FAF1: variants seen among roughly 807,000 people sequenced by gnomAD.
The protein encoded by FAF1 is Fas associated factor 1.
A neutral mutation model predicts 92.5 loss-of-function variants in FAF1; 25 were observed. The ratio of observed to expected loss-of-function variants is 0.27; its 90% CI spans 0.20 to 0.38. The LOEUF (loss-of-function observed/expected upper bound fraction) is 0.38, where lower values mean the gene tolerates loss of function less well. Ranked by LOEUF, FAF1 falls within the 10% of genes least tolerant of loss-of-function variation. FAF1 has a pLI of 1.00. For synonymous variants in FAF1, 234 were observed against 273.2 expected (o/e 0.86, Z 1.42); for missense variants, 636 against 793.3 (o/e 0.80, Z 2.38).
At chr1:50,766,338 T>G (rs1399604599) in intron 4 of FAF1, among the ~76,000 whole-genome samples, 5 of 152,238 alleles carry the variant, frequency 3.3e-5, no homozygotes, top group Non-Finnish European at 5.9e-5. Context: ...TAGAATACTT[T>G]TTGTTTATAA....
chr1:50,660,232 T>C (rs1363142499), intron 7 of FAF1, among the ~76,000 whole-genome samples: 1 of 152,236 alleles, frequency 6.6e-6, no homozygotes, highest in Admixed American at 6.5e-5. Context: ...AAAGTTGCTC[T>C]GCTAAAGGCT....
chr1:50,743,730 G>C (rs569944745), intron 5 of FAF1, among the ~76,000 whole-genome samples: 1 of 152,124 alleles, frequency 6.6e-6, no homozygotes, highest in South Asian at 2.1e-4. Context: ...TAAAACTCTA[G>C]AACTAACTCA....
intron 2 of FAF1, among the ~76,000 whole-genome samples, chr1:50,849,256 G>C (rs1487591064): frequency 6.8e-6 from 1 of 147,242 alleles, no homozygotes; most frequent in Non-Finnish European, 1.5e-5. Context: ...GACAGAGTGA[G>C]ACTCCGTCTC....
chr1:50,851,011 A>G (rs567233817), intron 2 of FAF1, among the ~76,000 whole-genome samples: 2 of 152,288 alleles, frequency 1.3e-5, no homozygotes, highest in South Asian at 4.2e-4. Flanking sequence ...GTAGGTTAGT[A>G]AGCTTTAAAA....
chr1:50,678,429 T>C (rs905581229), intron 7 of FAF1, among the ~76,000 whole-genome samples: 3 of 152,162 alleles, frequency 2.0e-5, no homozygotes, highest in African/African-American at 7.2e-5. Flanking sequence ...AATTTACACA[T>C]TTGGCCAGAT....
At position 50,705,877 on chromosome 1, in the gene FAF1, G is replaced by C; in HGVS notation, c.566C>G (p.Ser189Ter). The stretch of plus-strand genomic sequence containing the variant: ...GATCAGCATGAAGTTTTGATTTAAT[G>C]ACTCCTGCAGGGCACTGAAAGGGTT... ...SSSHAGALQE[S>*]LNQNFMLIIT... The change falls in exon 7 of 19, where the codon TCA (serine) becomes TGA (stop). Residue 189 changes from serine to a stop codon, truncating the protein, a stop_gained. Coordinates refer to ENST00000396153, the MANE Select transcript of FAF1 (RefSeq NM_007051.3). LOFTEE classifies it high-confidence loss of function. 2 of 1,607,862 alleles carry C rather than the reference G, an allele frequency of 1.2e-6. No homozygotes were observed. Among genetic ancestry groups the C allele is most frequent in the Non-Finnish European group, 1.7e-6 (2 of 1,174,808 alleles).
chr1:50,764,277 CAA>C (rs1272257250), intron 4 of FAF1, among the ~76,000 whole-genome samples: 1 of 152,090 alleles, frequency 6.6e-6, no homozygotes, highest in African/African-American at 2.4e-5. Context: ...CTGTGTGCGA[CAA>C]AGTCTTTTTC....
intron 1 of FAF1, among the ~76,000 whole-genome samples, chr1:50,893,863 G>A (rs989363226): frequency 2.0e-5 from 3 of 152,090 alleles, no homozygotes; most frequent in African/African-American, 7.2e-5. Context: ...AAACCTACCT[G>A]GTATTCTATT....
intron 7 of FAF1, among the ~76,000 whole-genome samples, chr1:50,672,323 G>A (rs904099237): frequency 6.6e-6 from 1 of 152,146 alleles, no homozygotes; most frequent in African/African-American, 2.4e-5. Context: ...TTACAGGCGT[G>A]AGCCACCGCG....
At chr1:50,832,540 T>A (rs1644163770) in intron 2 of FAF1, among the ~76,000 whole-genome samples, 1 of 152,250 alleles carries the variant, frequency 6.6e-6, no homozygotes, top group African/African-American at 2.4e-5. Flanking sequence ...TGACAAACAC[T>A]AAATTTAAAG....
At chr1:50,876,794 G>A (rs1425093965) in intron 1 of FAF1, among the ~76,000 whole-genome samples, 2 of 152,158 alleles carry the variant, frequency 1.3e-5, no homozygotes, top group African/African-American at 4.8e-5. Context: ...ATGTTGGCCA[G>A]GCTGGTCTTG....
intron 18 of FAF1, among the ~76,000 whole-genome samples, chr1:50,465,373 T>C (rs960374924): frequency 2.0e-5 from 3 of 152,198 alleles, no homozygotes; most frequent in Admixed American, 6.5e-5. Flanking sequence ...CACTTTAACA[T>C]ATAATGGGAA....
chr1:50,759,064 A>G (rs1277799087), intron 4 of FAF1, among the ~76,000 whole-genome samples: 5 of 151,886 alleles, frequency 3.3e-5, no homozygotes, highest in Non-Finnish European at 7.4e-5. Flanking sequence ...GGATGGTCTC[A>G]ATCTCCCGAC....
chr1:50,548,300 A>C (rs1649131742), intron 13 of FAF1, among the ~76,000 whole-genome samples: 1 of 152,140 alleles, frequency 6.6e-6, no homozygotes, highest in African/African-American at 2.4e-5. Context: ...GTTCAGATGA[A>C]GTGCTGGGGA....
rs564824256 is a variant in FAF1, at chr1:50,954,628, C to T, written c.45+5139G>A. On this transcript the variant is annotated intron_variant, in intron 1 of 18. Coordinates refer to ENST00000396153, the MANE Select transcript of FAF1 (RefSeq NM_007051.3). Reference sequence around the variant, plus strand: ...TGATCTTGGCTCACTGAAACCTCCACCTCCCAGGTTCAAGTGATTCTCCTG... The same window carrying T: ...TGATCTTGGCTCACTGAAACCTCCATCTCCCAGGTTCAAGTGATTCTCCTG... Among the ~76,000 whole-genome samples the T allele has an allele frequency of 2.0e-5, 3 of 149,464 alleles. No individual in the cohort carries two copies. In the East Asian group the frequency reaches 6.0e-4, roughly 30 times the overall value.
intron 18 of FAF1, among the ~76,000 whole-genome samples, chr1:50,455,195 T>C (rs1572752679): frequency 6.6e-6 from 1 of 152,234 alleles, no homozygotes; most frequent in African/African-American, 2.4e-5. Context: ...TCTGCATCAG[T>C]TGCCCTTTCA....
intron 8 of FAF1, among the ~76,000 whole-genome samples, chr1:50,601,975 C>A (rs900367244): frequency 2.6e-5 from 4 of 151,876 alleles, no homozygotes; most frequent in Non-Finnish European, 5.9e-5. Flanking sequence ...GGTCAGTAAC[C>A]AAGAGTCTTA....
intron 12 of FAF1, among the ~76,000 whole-genome samples, chr1:50,573,022 A>G (rs1185452871): frequency 3.3e-5 from 5 of 152,076 alleles, no homozygotes; most frequent in African/African-American, 1.2e-4. Context: ...TAAAAGTAGG[A>G]CATCAATGCT....
intron 6 of FAF1, among the ~76,000 whole-genome samples, chr1:50,713,377 G>A (rs963559245): frequency 2.9e-4 from 44 of 151,600 alleles, no homozygotes; most frequent in East Asian, 2.0e-4. Context: ...AGGATCAAGC[G>A]ATTCTCCTGC....
Sources: gnomAD v4.1 joint callset for allele counts (sites outside exome capture counted in the v4.1 genomes callset) on GRCh38, gnomAD v4.1.1 for gene constraint, MANE v1.5 for transcripts, NCBI Gene and HGNC (gene_info 2026-07-23, HGNC 2026-07-21) for gene names.